RAD51B: variants seen among roughly 807,000 people sequenced by gnomAD.
RAD51B encodes RAD51 paralog B.
Under a neutral mutation model 42.2 loss-of-function variants are expected in RAD51B, and 38 were observed. That is an observed-to-expected ratio of 0.90 (90% confidence interval 0.70 to 1.18). The LOEUF (loss-of-function observed/expected upper bound fraction) is 1.18, where lower values mean the gene tolerates loss of function less well. Among genes scored for constraint, RAD51B ranks in the 50% most tolerant of loss-of-function variants. RAD51B has a pLI of 0.00. For missense variants in RAD51B, 373 were observed against 400.7 expected (o/e 0.93, Z 0.59); for synonymous variants, 154 against 145.2 (o/e 1.06, Z -0.43).
intron 7 of RAD51B, among the ~76,000 whole-genome samples, chr14:68,120,896 C>T (rs1326522869): frequency 2.0e-5 from 3 of 152,106 alleles, no homozygotes; most frequent in Admixed American, 6.5e-5. Flanking sequence ...TTCTGGCTTA[C>T]ATTTATTTCT....
intron 11 of RAD51B, among the ~76,000 whole-genome samples, chr14:68,680,430 TGTTA>T (rs1484465888): frequency 6.6e-6 from 1 of 152,248 alleles, no homozygotes. Context: ...TCTGATCTGT[TGTTA>T]GTATTTATTA....
At chr14:67,879,155 G>C (rs2042824952) in intron 5 of RAD51B, among the ~76,000 whole-genome samples, 1 of 152,240 alleles carries the variant, frequency 6.6e-6, no homozygotes. Context: ...CTGTTGGAAA[G>C]GGCAGGCTAG....
chr14:67,882,696 A>G (rs915299037), intron 5 of RAD51B, among the ~76,000 whole-genome samples: 13 of 152,200 alleles, frequency 8.5e-5, no homozygotes, highest in South Asian at 2.1e-4. Flanking sequence ...TTCTGCTTCA[A>G]TAAAGTTGTG....
chr14:68,622,915 T>TGGG (rs1397634160), intron 10 of RAD51B, among the ~76,000 whole-genome samples: 1 of 151,968 alleles, frequency 6.6e-6, no homozygotes, highest in Non-Finnish European at 1.5e-5. Flanking sequence ...GACTGCACCA[T>TGGG]GGAGAACTCT....
intron 7 of RAD51B, among the ~76,000 whole-genome samples, chr14:67,896,040 C>T (rs1373129811): frequency 6.6e-6 from 1 of 152,146 alleles, no homozygotes; most frequent in African/African-American, 2.4e-5. Context: ...TAAATATTTG[C>T]ATGTATATAT....
intron 8 of RAD51B, among the ~76,000 whole-genome samples, chr14:68,339,987 T>C (rs923566669): frequency 1.3e-5 from 2 of 152,214 alleles, no homozygotes; most frequent in African/African-American, 4.8e-5. Context: ...AGGCTGCTAC[T>C]TTTTCTTTGT....
chr14:68,543,316 T>C (rs760033701), intron 10 of RAD51B, among the ~76,000 whole-genome samples: 1 of 152,214 alleles, frequency 6.6e-6, no homozygotes, highest in Non-Finnish European at 1.5e-5. Flanking sequence ...TTTTTCTCCA[T>C]GATTATCTGT....
At chr14:68,606,175 G>A (rs532871603) in intron 10 of RAD51B, among the ~76,000 whole-genome samples, 18 of 152,302 alleles carry the variant, frequency 1.2e-4, no homozygotes, top group South Asian at 6.2e-4. Context: ...GCCTAGGACC[G>A]GAACAACTGT....
chr14:68,016,230 G>A (rs2075775771), intron 7 of RAD51B, among the ~76,000 whole-genome samples: 1 of 152,118 alleles, frequency 6.6e-6, no homozygotes, highest in Non-Finnish European at 1.5e-5. Context: ...CAGTTTGAGA[G>A]TAAAATAAAC....
intron 7 of RAD51B, among the ~76,000 whole-genome samples, chr14:68,011,940 G>A (rs1049449668): frequency 1.3e-5 from 2 of 152,092 alleles, no homozygotes; most frequent in Non-Finnish European, 2.9e-5. Flanking sequence ...AAGGTTAGAA[G>A]TGTTCAGTGT....
intron 7 of RAD51B, among the ~76,000 whole-genome samples, chr14:67,978,584 A>G (rs937429700): frequency 4.6e-5 from 7 of 152,308 alleles, no homozygotes; most frequent in African/African-American, 1.7e-4. Context: ...GGGAGAAGAG[A>G]CAGTGTGAAG....
intron 7 of RAD51B, among the ~76,000 whole-genome samples, chr14:68,062,719 G>C (rs1217067920): frequency 6.7e-6 from 1 of 148,222 alleles, no homozygotes; most frequent in African/African-American, 2.5e-5. Flanking sequence ...TGAGACATGA[G>C]AATCACTTGA....
chr14:68,363,078 C>T (rs957122599), intron 8 of RAD51B, among the ~76,000 whole-genome samples: 1 of 152,146 alleles, frequency 6.6e-6, no homozygotes, highest in Non-Finnish European at 1.5e-5. Flanking sequence ...ACTTTCAAAT[C>T]GCAGTACTTC....
intron 9 of RAD51B, among the ~76,000 whole-genome samples, chr14:68,412,344 G>C (rs2084443234): frequency 6.6e-6 from 1 of 152,170 alleles, no homozygotes; most frequent in Admixed American, 6.5e-5. Flanking sequence ...TTTTTGGATA[G>C]GACAGAATTC....
chr14:68,521,355 A>G (rs996908326), intron 10 of RAD51B, among the ~76,000 whole-genome samples: 1 of 152,320 alleles, frequency 6.6e-6, no homozygotes, highest in East Asian at 1.9e-4. Flanking sequence ...CAGGCCAGCC[A>G]GTGAATTGAA....
intron 7 of RAD51B, among the ~76,000 whole-genome samples, chr14:67,999,524 A>T (rs544930753): frequency 6.6e-5 from 10 of 152,314 alleles, no homozygotes; most frequent in African/African-American, 1.9e-4. Flanking sequence ...GAAATTATAT[A>T]AAGGCCATAG....
Position 68,563,583 on chromosome 14 carries a change from C to T in RAD51B, c.1037-30902C>T, listed in dbSNP as rs80172532. 1,591 of 985,460 alleles carry T rather than the reference C, an allele frequency of 1.6e-3. 19 individuals are homozygous for T. In the African/African-American group the frequency reaches 0.024, roughly 15 times the overall value. The allele number at this position is 985,460 out of a possible 1,614,324, so 61.0% of individuals were successfully genotyped here. On this transcript the variant is annotated intron_variant, in intron 10 of 10. Transcript: ENST00000487270. ...CAGCCATTTCTTGTGTGCCTTCAAG[C>T]ACCTTCTGTGGTTTCCTGACAGCTG...
At chr14:67,875,863 T>C (rs1470685699) in intron 5 of RAD51B, among the ~76,000 whole-genome samples, 1 of 152,220 alleles carries the variant, frequency 6.6e-6, no homozygotes, top group Non-Finnish European at 1.5e-5. Context: ...CAGTGTGGTC[T>C]TAAGACCATT....
chr14:68,007,801 C>T (rs778470936), intron 7 of RAD51B, among the ~76,000 whole-genome samples: 1 of 151,656 alleles, frequency 6.6e-6, no homozygotes, highest in African/African-American at 2.4e-5. Flanking sequence ...TGAAGTGTTC[C>T]TTTATGTTAA....
Sources: gnomAD v4.1 joint callset for allele counts (sites outside exome capture counted in the v4.1 genomes callset) on GRCh38, gnomAD v4.1.1 for gene constraint, MANE v1.5 for transcripts, NCBI Gene and HGNC (gene_info 2026-07-23, HGNC 2026-07-21) for gene names.